The following ACOXL variants were observed in gnomAD, a reference collection of about 807,000 sequenced individuals.
ACOXL encodes acyl-coenzyme A oxidase-like protein.
Under a neutral mutation model 71.9 loss-of-function variants are expected in ACOXL, and 70 were observed. The ratio of observed to expected loss-of-function variants is 0.97; its 90% CI spans 0.80 to 1.19. The LOEUF is 1.19. Ranked by LOEUF, ACOXL falls within the 50% of genes most tolerant of loss-of-function variation. The pLI, the probability that ACOXL is intolerant of heterozygous loss-of-function variation, is 0.00. For synonymous variants in ACOXL, 253 were observed against 281.6 expected (o/e 0.90, Z 1.02); for missense variants, 703 against 736.3 (o/e 0.95, Z 0.52).
At chr2:110,929,118 G>A (rs1001339013) in intron 11 of ACOXL, among the ~76,000 whole-genome samples, 4 of 152,188 alleles carry the variant, frequency 2.6e-5, no homozygotes, top group African/African-American at 9.7e-5. Flanking sequence ...GTAGAGGTTG[G>A]AACAGTTTGG....
chr2:111,073,374 G>C (rs1004931719), intron 16 of ACOXL, among the ~76,000 whole-genome samples: 1 of 152,086 alleles, frequency 6.6e-6, no homozygotes, highest in Non-Finnish European at 1.5e-5. Flanking sequence ...TTTTCTAAAA[G>C]TTTAAGAGTT....
intron 1 of ACOXL, among the ~76,000 whole-genome samples, chr2:110,745,004 G>T (rs1293262410): frequency 6.6e-6 from 1 of 152,190 alleles, no homozygotes. Context: ...AGTTTGCCTT[G>T]CCAGTTCCCT....
chr2:111,115,204 G>A (rs2070260353), intron 17 of ACOXL, among the ~76,000 whole-genome samples: 1 of 152,118 alleles, frequency 6.6e-6, no homozygotes, highest in Admixed American at 6.5e-5. Flanking sequence ...AAACTGGCAG[G>A]GCAGAGGACC....
At chr2:111,000,764 C>T (rs966420419) in intron 14 of ACOXL, among the ~76,000 whole-genome samples, 18 of 152,152 alleles carry the variant, frequency 1.2e-4, no homozygotes, top group Non-Finnish European at 1.6e-4. Context: ...TTGTCTCTTC[C>T]GCTTATCAGG....
chr2:110,736,254 C>G (rs976039186), intron 1 of ACOXL, among the ~76,000 whole-genome samples: 1 of 152,154 alleles, frequency 6.6e-6, no homozygotes, highest in Non-Finnish European at 1.5e-5. Context: ...GACCATTTAA[C>G]TGCTTCTGAA....
intron 15 of ACOXL, among the ~76,000 whole-genome samples, chr2:111,041,191 A>T (rs2065764070): frequency 6.6e-6 from 1 of 152,174 alleles, no homozygotes; most frequent in South Asian, 2.1e-4. Context: ...CCACACATGC[A>T]GATGCCGAGA....
intron 9 of ACOXL, among the ~76,000 whole-genome samples, chr2:110,837,080 T>C (rs1384283556): frequency 1.3e-5 from 2 of 152,216 alleles, no homozygotes; most frequent in African/African-American, 4.8e-5. Context: ...GGTGGCCTCC[T>C]CTGTGAAAAG....
intron 1 of ACOXL, among the ~76,000 whole-genome samples, chr2:110,736,664 G>A (rs962461406): frequency 4.0e-5 from 6 of 150,292 alleles, no homozygotes; most frequent in Non-Finnish European, 7.4e-5. Flanking sequence ...CTGTGGCCCA[G>A]GCTGGAGTGC....
intron 14 of ACOXL, among the ~76,000 whole-genome samples, chr2:111,010,248 A>G (rs898841339): frequency 1.3e-5 from 2 of 152,178 alleles, no homozygotes; most frequent in Admixed American, 6.5e-5. Flanking sequence ...AGGAAATTTC[A>G]GGAGATTGTT....
At chr2:110,871,577 C>T (rs1324935388) in intron 10 of ACOXL, among the ~76,000 whole-genome samples, 3 of 152,070 alleles carry the variant, frequency 2.0e-5, no homozygotes, top group Admixed American at 1.3e-4. Flanking sequence ...CTTCAGTTAA[C>T]TGTGTGGAAG....
intron 15 of ACOXL, 149 bp from the exon 16 acceptor site, chr2:111,049,069 G>C (rs2066156883): frequency 1.5e-6 from 1 of 660,488 alleles, no homozygotes; most frequent in African/African-American, 1.8e-5. Flanking sequence ...GACCCATGCA[G>C]GGGACAGTTG....
chr2:110,819,570 G>T (rs948815012), intron 9 of ACOXL, among the ~76,000 whole-genome samples: 1 of 152,186 alleles, frequency 6.6e-6, no homozygotes, highest in Non-Finnish European at 1.5e-5. Flanking sequence ...TGGAGAGGCA[G>T]GAGGACAACT....
At chr2:111,061,531 A>G (rs1427077933) in intron 16 of ACOXL, among the ~76,000 whole-genome samples, 4 of 152,186 alleles carry the variant, frequency 2.6e-5, no homozygotes, top group Non-Finnish European at 5.9e-5. Context: ...GACATGATGA[A>G]AGAAGGAATC....
chr2:110,812,707 T>G (rs1209064158), intron 9 of ACOXL, among the ~76,000 whole-genome samples: 1 of 152,258 alleles, frequency 6.6e-6, no homozygotes, highest in Non-Finnish European at 1.5e-5. Flanking sequence ...AGATAGTAAG[T>G]AGCACAGGAC....
intron 10 of ACOXL, among the ~76,000 whole-genome samples, chr2:110,886,540 C>T (rs910768468): frequency 1.3e-5 from 2 of 152,012 alleles, no homozygotes; most frequent in Non-Finnish European, 2.9e-5. Context: ...CCACGCTTGG[C>T]TAGTATTTTT....
At chr2:110,850,949 C>A (rs142395697) in intron 10 of ACOXL, among the ~76,000 whole-genome samples, 67 of 152,276 alleles carry the variant, frequency 4.4e-4, no homozygotes, top group Middle Eastern at 3.4e-3. Context: ...CAGACTGTGT[C>A]ACTTCCATAC....
intron 12 of ACOXL, among the ~76,000 whole-genome samples, chr2:110,948,460 T>C (rs1229565932): frequency 6.6e-6 from 1 of 152,102 alleles, no homozygotes; most frequent in African/African-American, 2.4e-5. Context: ...AGCCAACCCT[T>C]GGAACAGAGC....
chr2:110,819,099 G>A (rs1688306364), intron 9 of ACOXL, among the ~76,000 whole-genome samples: 2 of 152,166 alleles, frequency 1.3e-5, no homozygotes, highest in South Asian at 2.1e-4. Context: ...ATGATGCCAC[G>A]CTAAGAATTG....
At chr2:110,844,409 T>C (rs773002390) in intron 10 of ACOXL, among the ~76,000 whole-genome samples, 3 of 152,184 alleles carry the variant, frequency 2.0e-5, no homozygotes, top group Non-Finnish European at 4.4e-5. Flanking sequence ...TTTCCCAGAA[T>C]TGATGACACT....
Sources: allele counts gnomAD v4.1 joint callset (sites outside exome capture counted in the v4.1 genomes callset), GRCh38; gene constraint gnomAD v4.1.1; transcripts MANE v1.5; gene names NCBI Gene and HGNC (gene_info 2026-07-23, HGNC 2026-07-21).